The following SMG6 variants were observed in gnomAD, a reference collection of about 807,000 sequenced individuals.
The protein encoded by SMG6 is SMG6 nonsense mediated mRNA decay factor.
A neutral mutation model predicts 142.2 loss-of-function variants in SMG6; 66 were observed. The ratio of observed to expected loss-of-function variants is 0.46; its 90% CI spans 0.38 to 0.57. SMG6 has a LOEUF of 0.57. SMG6 is among the 20% of genes least tolerant of loss of function. The probability of loss-of-function intolerance (pLI) is 0.00; values close to 1 mark genes in which losing one functional copy is unlikely to be tolerated. For missense variants in SMG6, 1,793 were observed against 1,832.0 expected, an observed-to-expected ratio of 0.98 and a Z score of 0.39; for synonymous variants, 779 against 702.4, an observed-to-expected ratio of 1.11 and a Z score of -1.72.
chr17:2,088,644 T>G, intron 13 of SMG6: 1 of 985,410 alleles, frequency 1.0e-6, no homozygotes, highest in Non-Finnish European at 1.2e-6. Context: ...GAGTACCCTG[T>G]CCTTTGCAAT....
In SMG6 at chr17:2,210,774, T is replaced by TA. The variant is rs57885939; in HGVS notation, c.2870-22260dup. ...GCAAAAGCTTTAAAAAAAAATAAAATAAAAAAAAAAGCAAGCTAAGAGCTA... is the reference window on the plus strand; with the variant it reads ...GCAAAAGCTTTAAAAAAAAATAAAATAAAAAAAAAAAGCAAGCTAAGAGCTA... On this transcript the variant is annotated intron_variant, in intron 10 of 18. Coordinates refer to ENST00000263073, the MANE Select transcript of SMG6 (RefSeq NM_017575.5). 8.0e-5 allele frequency among the ~76,000 whole-genome samples: 11 copies of TA among 137,092 alleles called. No homozygotes were observed. The South Asian group carries it at 9.3e-4, about 12-fold the overall frequency. The allele number at this position is 137,092 out of a possible 152,430, so 89.9% of individuals were successfully genotyped here. A position where few individuals can be genotyped will look rare whatever the true frequency, so the allele number is the denominator to read the frequency against.
At position 2,065,523 on chromosome 17, in the gene SMG6, C is replaced by T. The variant is rs912398621; in HGVS notation, c.3992G>A (p.Arg1331His). 6.8e-6 allele frequency: 11 copies of T among 1,613,810 alleles called. No individual in the cohort carries two copies. Among genetic ancestry groups the T allele is most frequent in the South Asian group, 3.3e-5 (3 of 91,080 alleles). ...GGCGATGGATTCGAGTTCATTGCCACGGCTGGTCAGGGCTCGCAGGCAAGA... is the reference window on the plus strand; with the variant it reads ...GGCGATGGATTCGAGTTCATTGCCATGGCTGGTCAGGGCTCGCAGGCAAGA... ...RDSCLRALTS[R>H]GNELESIAFR... is the part of the protein sequence containing the mutation. The change falls in exon 17 of 19, where the codon CGT becomes CAT. Residue 1331 changes from arginine to histidine, a missense_variant. Around this residue, in one of 3 missense-constraint regions of SMG6, gnomAD observed 179 missense variants for 212.6 expected, o/e 0.84. Coordinates refer to ENST00000263073, the MANE Select transcript of SMG6 (RefSeq NM_017575.5).
chr17:2,133,741 T>A (rs2070199664), intron 13 of SMG6, among the ~76,000 whole-genome samples: 1 of 152,168 alleles, frequency 6.6e-6, no homozygotes, highest in Non-Finnish European at 1.5e-5. Context: ...GTGACCATAT[T>A]TTCAGCTTTT....
At chr17:2,134,994 C>G (rs2070247808) in intron 13 of SMG6, among the ~76,000 whole-genome samples, 1 of 152,120 alleles carries the variant, frequency 6.6e-6, no homozygotes, top group South Asian at 2.1e-4. Context: ...ATTCTCCTAC[C>G]TCAGGCTCCC....
chr17:2,154,878 A>T (rs2070952575), intron 13 of SMG6, among the ~76,000 whole-genome samples: 1 of 152,088 alleles, frequency 6.6e-6, no homozygotes, highest in African/African-American at 2.4e-5. Context: ...CTACAAAAAA[A>T]TACAAAAATT....
chr17:2,157,561 A>AT (rs761625428), intron 13 of SMG6, among the ~76,000 whole-genome samples: 3 of 152,226 alleles, frequency 2.0e-5, no homozygotes, highest in African/African-American at 4.8e-5. Flanking sequence ...ACCACCCAAC[A>AT]TGAGTATGAC....
chr17:2,109,294 T>C (rs2069242592), intron 13 of SMG6, among the ~76,000 whole-genome samples: 3 of 152,118 alleles, frequency 2.0e-5, no homozygotes, highest in Admixed American at 2.0e-4. Flanking sequence ...GATGGAGACT[T>C]GCTTTGTCAC....
intron 8 of SMG6, among the ~76,000 whole-genome samples, chr17:2,255,317 T>C (rs1485529225): frequency 1.5e-5 from 2 of 137,170 alleles, no homozygotes; most frequent in African/African-American, 5.6e-5. Context: ...GGCAGGAGAA[T>C]GGCGTGAACC....
intron 13 of SMG6, among the ~76,000 whole-genome samples, chr17:2,147,220 C>T (rs1456476835): frequency 7.2e-5 from 11 of 152,218 alleles, no homozygotes; most frequent in Admixed American, 5.2e-4. Context: ...TGGTGAAACC[C>T]TGTCTCTACT....
At chr17:2,150,695 T>C (rs2070800190) in intron 13 of SMG6, among the ~76,000 whole-genome samples, 1 of 152,190 alleles carries the variant, frequency 6.6e-6, no homozygotes, top group South Asian at 2.1e-4. Flanking sequence ...TTCCCAGAAG[T>C]CAGGCAAAGG....
chr17:2,223,450 C>T (rs2073233542), intron 10 of SMG6, among the ~76,000 whole-genome samples: 1 of 152,186 alleles, frequency 6.6e-6, no homozygotes, highest in African/African-American at 2.4e-5. Flanking sequence ...CGACAATCTG[C>T]CTTCTGAAAA....
chr17:2,087,935 C>T (rs903064266), intron 13 of SMG6: 40 of 985,676 alleles, frequency 4.1e-5, no homozygotes, highest in Admixed American at 6.2e-5. Context: ...TCTGACCTTA[C>T]GCCCCAGCTA....
chr17:2,124,767 G>A (rs915940299), intron 13 of SMG6, among the ~76,000 whole-genome samples: 4 of 152,320 alleles, frequency 2.6e-5, no homozygotes, highest in African/African-American at 9.6e-5. Context: ...GCAGAAAAAC[G>A]AATGGACACT....
intron 13 of SMG6, among the ~76,000 whole-genome samples, chr17:2,134,441 A>AG (rs1346372928): frequency 6.6e-6 from 1 of 150,650 alleles, no homozygotes; most frequent in Non-Finnish European, 1.5e-5. Context: ...AAAAAAAAAA[A>AG]AAAAAAAGAT....
At position 2,292,604 on chromosome 17, in the gene SMG6, G is replaced by C; in HGVS notation, c.2285C>G (p.Ala762Gly). ...RSWYLKAQHI[A>G]PKNGRPYNQL... ...GTTATAGGGGCGCCCATTCTTGGGA[G>C]CAATGTGCTGGGCCTTCAGGTACCA... The change falls in exon 6 of 19, where the codon GCT becomes GGT. Residue 762 changes from alanine (A) to glycine (G), a missense_variant. By Grantham distance (60) the Ala-to-Gly change is moderately conservative (BLOSUM62 0). This residue lies in a region of SMG6 where 1,597 missense variants were observed against 1,584.6 expected (regional missense o/e 1.01). Coordinates refer to ENST00000263073, the MANE Select transcript of SMG6 (RefSeq NM_017575.5). 1 of 1,613,748 alleles carries C rather than the reference G, an allele frequency of 6.2e-7. No individual in the cohort carries two copies. The highest frequency in any genetic ancestry group is 8.5e-7 in the Non-Finnish European group (1 of 1,179,980).
chr17:2,198,685 A>T (rs1440077473), intron 10 of SMG6, among the ~76,000 whole-genome samples: 1 of 152,210 alleles, frequency 6.6e-6, no homozygotes, highest in Non-Finnish European at 1.5e-5. Flanking sequence ...TTAAACAAGT[A>T]AACACAACAA....
rs114302854 is a variant in SMG6 at position 2,067,909 on chromosome 17, C to A, written c.3835+869G>T. Among the ~76,000 whole-genome samples the A allele has an allele frequency of 2.0e-3, 307 of 152,306 alleles. 2 individuals carry two copies. The highest frequency in any genetic ancestry group is 6.9e-3 in the African/African-American group (287 of 41,560). ...GTGGCTTGGCAGGCAGACTGCCAGT[C>A]TGGTGGCTTTTCCAGAAGACAAGGC... On this transcript the variant is annotated intron_variant, in intron 16 of 18. Transcript: ENST00000263073.
chr17:2,177,898 C>T (rs545305114), intron 12 of SMG6, among the ~76,000 whole-genome samples: 8 of 152,306 alleles, frequency 5.3e-5, no homozygotes, highest in Admixed American at 2.6e-4. Flanking sequence ...CCTTTTCAAA[C>T]GGTTTCCCTG....
At chr17:2,095,311 T>C (rs1251585496) in intron 13 of SMG6, among the ~76,000 whole-genome samples, 2 of 152,238 alleles carry the variant, frequency 1.3e-5, no homozygotes, top group East Asian at 1.9e-4. Context: ...TGAACCACAC[T>C]GTTTGCCTTC....
Sources: allele counts gnomAD v4.1 joint callset (sites outside exome capture counted in the v4.1 genomes callset), GRCh38; gene constraint gnomAD v4.1.1; regional missense constraint gnomAD v4.1.1; transcripts MANE v1.5; gene names NCBI Gene and HGNC (gene_info 2026-07-23, HGNC 2026-07-21).